TNS1: variants seen among roughly 807,000 people sequenced by gnomAD.
The protein encoded by TNS1 is tensin 1.
Under a neutral mutation model 168.6 loss-of-function variants are expected in TNS1, and 62 were observed. The ratio of observed to expected loss-of-function variants is 0.37; its 90% CI spans 0.30 to 0.45. The LOEUF is 0.45. Among genes scored for constraint, TNS1 ranks in the 20% least tolerant of loss-of-function variants. The probability of loss-of-function intolerance (pLI) is 1.00; values close to 1 mark genes in which losing one functional copy is unlikely to be tolerated. For missense variants in TNS1, 2,240 were observed against 2,339.4 expected, an observed-to-expected ratio of 0.96 and a Z score of 0.88; for synonymous variants, 934 against 933.2, an observed-to-expected ratio of 1.00 and a Z score of -0.02.
chr2:218,011,747 C>T (rs529821731), upstream of TNS1, among the ~76,000 whole-genome samples: 84 of 152,110 alleles, frequency 5.5e-4, no homozygotes, highest in Non-Finnish European at 9.7e-4. Flanking sequence ...CTCCCCACCT[C>T]GAGACAAGGC....
At chr2:218,031,016 ATG>A (rs1324412098) in intron 1 of TNS1, among the ~76,000 whole-genome samples, 5 of 139,724 alleles carry the variant, frequency 3.6e-5, no homozygotes, top group African/African-American at 1.3e-4. Flanking sequence ...GTGGGAGTGT[ATG>A]TGTGTATGTG....
intron 18 of TNS1, among the ~76,000 whole-genome samples, chr2:217,863,165 T>C (rs1265498523): frequency 2.6e-5 from 4 of 152,180 alleles, no homozygotes; most frequent in Non-Finnish European, 5.9e-5. Context: ...CTGAGTGCTT[T>C]GGTTTCCAAG....
intron 2 of TNS1, among the ~76,000 whole-genome samples, chr2:217,984,864 T>C (rs1958154082): frequency 1.3e-5 from 2 of 151,358 alleles, no homozygotes; most frequent in African/African-American, 4.9e-5. Context: ...CAAGAAATTC[T>C]CCTGCCTCAG....
rs1331792751 is a variant in TNS1 at position 217,847,846 on chromosome 2, A to T, written c.2671T>A (p.Tyr891Asn). 1 of 1,588,408 alleles carries T rather than the reference A, an allele frequency of 6.3e-7. No individual in the cohort carries two copies. Among genetic ancestry groups the T allele is most frequent in the East Asian group, 2.3e-5 (1 of 44,132 alleles). Residue 891 changes from tyrosine to asparagine, a missense_variant, in exon 19 of 33, where the codon TAT (tyrosine) becomes AAT (asparagine). By Grantham distance (143) the Tyr-to-Asn change is moderately radical. Transcript: ENST00000682258. ...SHPLTQSRSG[Y>N]IPSGHSLGTP... ...CCCAACGAATGCCCACTGGGGATAT[A>T]GCCAGATCTGGACTGGGTCAGTGGA...
chr2:217,883,373 TC>T (rs1397460929), intron 16 of TNS1, among the ~76,000 whole-genome samples: 1 of 152,188 alleles, frequency 6.6e-6, no homozygotes, highest in Non-Finnish European at 1.5e-5. Context: ...CAAGTGATCC[TC>T]CTGCCTCAGC....
At chr2:217,805,732 ACACCACACATAC>A (rs559349575) in intron 32 of TNS1, among the ~76,000 whole-genome samples, 33,785 of 126,286 alleles carry the variant, frequency 0.27, 4,541 homozygotes, top group Middle Eastern at 0.39. Flanking sequence ...ACCACTGCAC[ACACCACACATAC>A]CACCACACAT....
chr2:218,022,632 C>G (rs1275921004), intron 1 of TNS1, among the ~76,000 whole-genome samples: 1 of 151,638 alleles, frequency 6.6e-6, no homozygotes, highest in Non-Finnish European at 1.5e-5. Flanking sequence ...GGGCCTCTGG[C>G]TCACAGAGGG....
chr2:217,979,070 G>C (rs1032538777), intron 2 of TNS1: 9 of 453,878 alleles, frequency 2.0e-5, no homozygotes, highest in African/African-American at 1.4e-4. Flanking sequence ...CGGGAAGGTG[G>C]GGGGAGCAAA....
At position 218,032,040 on chromosome 2, in the gene TNS1, T is replaced by G. The variant is rs1958903535; in HGVS notation, c.156+1780A>C. Among the ~76,000 whole-genome samples the G allele has an allele frequency of 6.6e-6, 1 of 152,214 alleles. No homozygotes were observed. The highest frequency in any genetic ancestry group is 2.1e-4 in the South Asian group (1 of 4,830). On this transcript the variant is annotated intron_variant, in intron 1 of 1. Transcript: ENST00000649572. This position sits in a 1 kb window ranked among gnomAD's most constrained non-coding sequence, Gnocchi z 4.0. ...CAGGCCCCTTGGCACCCAGAAGGCTTGGCTGGAGGACTCAGGAGGGTGCCA... is the reference window on the plus strand; with the variant it reads ...CAGGCCCCTTGGCACCCAGAAGGCTGGGCTGGAGGACTCAGGAGGGTGCCA...
rs758722426 is a variant in TNS1 at position 217,803,100 on chromosome 2, G to A, written c.*1359C>T. On this transcript the variant is annotated 3_prime_UTR_variant, in exon 33 of 33. Transcript: ENST00000682258. ...CAGTGAGGCTTTGGCATTGTAGGTA[G>A]GCGATGTGGTGTGCAGGCAGCAGGC... 14 of 152,400 alleles carry A rather than the reference G, an allele frequency of 9.2e-5. No individual in the cohort carries two copies. Among genetic ancestry groups the A allele is most frequent in the Non-Finnish European group, 1.3e-4 (9 of 68,100 alleles). 9.4% of individuals were successfully genotyped at this position (152,400 alleles called of 1,614,324 possible).
chr2:217,932,422 G>C (rs1357509326), intron 3 of TNS1, among the ~76,000 whole-genome samples: 1 of 152,148 alleles, frequency 6.6e-6, no homozygotes. Context: ...GTTGACTTAG[G>C]TGCCATCAGT....
In TNS1 at chr2:217,831,535, G is replaced by A. The variant is rs756756642; in HGVS notation, c.3293C>T (p.Pro1098Leu). 44 of 1,525,036 alleles carry A rather than the reference G, an allele frequency of 2.9e-5. No individual in the cohort carries two copies. The highest frequency in any genetic ancestry group is 1.8e-4 in the Middle Eastern group (1 of 5,698). The allele number at this position is 1,525,036 out of a possible 1,614,324, so 94.5% of individuals were successfully genotyped here. A position where few individuals can be genotyped will look rare whatever the true frequency, so the allele number is the denominator to read the frequency against. Residue 1098 changes from proline (P) to leucine (L), a missense_variant, in exon 22 of 33, where the codon CCG becomes CTG. Pro to Leu is a moderately conservative substitution (Grantham distance 98). Transcript: ENST00000682258. Reference protein sequence around the residue: ...SPPPSGVRSPPGLAKTPLSAL... With the variant: ...SPPPSGVRSPLGLAKTPLSAL... ...AGACAGGGGTGTCTTGGCCAGACCCGGGGGGGACCGCACTGTGCCAGGAAG... is the reference window on the plus strand; with the variant it reads ...AGACAGGGGTGTCTTGGCCAGACCCAGGGGGGACCGCACTGTGCCAGGAAG...
chr2:217,828,663 C>G (rs748783728), intron 22 of TNS1, among the ~76,000 whole-genome samples: 1 of 152,214 alleles, frequency 6.6e-6, no homozygotes, highest in Non-Finnish European at 1.5e-5. Context: ...ATTATGCCCC[C>G]TCTCTGCTTC....
In TNS1 at chr2:217,880,482, T is replaced by C. The variant is rs1182163050; in HGVS notation, c.1429+416A>G. Among the ~76,000 whole-genome samples, 2 of 152,124 alleles carry C rather than the reference T, an allele frequency of 1.3e-5. No homozygotes were observed. The highest frequency in any genetic ancestry group is 2.4e-5 in the African/African-American group (1 of 41,422). On this transcript the variant is annotated intron_variant, in intron 18 of 32. Coordinates refer to ENST00000682258, the MANE Select transcript of TNS1 (RefSeq NM_001387777.1). This position sits in a 1 kb window ranked among gnomAD's most constrained non-coding sequence, Gnocchi z 4.2. ...TGAAGAAACCCAACAGTGGGTTTAATACACATGTGACAAATGCTGTTTTTG... is the reference window on the plus strand; with the variant it reads ...TGAAGAAACCCAACAGTGGGTTTAACACACATGTGACAAATGCTGTTTTTG...
In TNS1 at chr2:217,818,473, T is replaced by G; in HGVS notation, c.3859A>C (p.Arg1287=). The G allele has an allele frequency of 6.2e-7, 1 of 1,614,246 alleles. No homozygotes were observed. The highest frequency in any genetic ancestry group is 8.5e-7 in the Non-Finnish European group (1 of 1,180,044). ...TVPGSPQARH[R]TVGTNTPPSP... is the part of the protein sequence containing the mutation. ...GGGGGAGTGTTGGTGCCCACTGTTC[T>G]GTGGCGCGCCTGAGGGCTCCCAGGC... Residue 1287 remains arginine, a synonymous_variant, in exon 24 of 33, where the codon AGA becomes CGA. Coordinates refer to ENST00000682258, the MANE Select transcript of TNS1 (RefSeq NM_001387777.1).
Position 217,856,565 on chromosome 2 carries a change from C to G in TNS1, c.1430-7478G>C, listed in dbSNP as rs1369268537. 2.0e-5 allele frequency among the ~76,000 whole-genome samples: 3 copies of G among 152,086 alleles called. No homozygotes were observed. The East Asian group carries it at 5.8e-4, about 29-fold the overall frequency. ...AGAATTAGAGGTTGAAGAGAAATCC[C>G]GGAACCTCTGAAGGAGAGCCACACA... is the stretch of plus-strand genomic sequence containing the variant. On this transcript the variant is annotated intron_variant, in intron 18 of 32. Coordinates refer to ENST00000682258, the MANE Select transcript of TNS1 (RefSeq NM_001387777.1).
At chr2:217,822,990 C>T (rs1036261215) in intron 22 of TNS1, among the ~76,000 whole-genome samples, 2 of 152,160 alleles carry the variant, frequency 1.3e-5, no homozygotes, top group African/African-American at 4.8e-5. Context: ...GCCATACTGC[C>T]CACAACTAAG....
At chr2:217,809,528 C>G (rs1457417023) in intron 30 of TNS1, among the ~76,000 whole-genome samples, 150 of 14,138 alleles carry the variant, frequency 0.011, no homozygotes, top group Middle Eastern at 0.05. Flanking sequence ...TGGATAGGTG[C>G]ATGGATGGAT....
chr2:217,887,707 G>T (rs1443566969), intron 12 of TNS1, among the ~76,000 whole-genome samples: 2 of 152,216 alleles, frequency 1.3e-5, no homozygotes, highest in Middle Eastern at 3.4e-3. Context: ...GTCCAGGAGG[G>T]GTCACTGGAC....
Sources: gnomAD v4.1 joint callset for allele counts (sites outside exome capture counted in the v4.1 genomes callset) on GRCh38, gnomAD v4.1.1 for gene constraint, Gnocchi (gnomAD v3.1) non-coding constraint, MANE v1.5 for transcripts, NCBI Gene and HGNC (gene_info 2026-07-23, HGNC 2026-07-21) for gene names.